The following MBD5 variants were observed in gnomAD, a reference collection of about 807,000 sequenced individuals.
The protein encoded by MBD5 is methyl-CpG-binding domain protein 5.
In MBD5, 13 loss-of-function variants were observed where a neutral mutation model predicts 117.3. That is an observed-to-expected ratio of 0.11 (90% CI 0.07 to 0.18). The LOEUF is 0.18. Among genes scored for constraint, MBD5 ranks in the 10% least tolerant of loss-of-function variants. MBD5 has a pLI of 1.00. For synonymous variants in MBD5, 727 were observed against 766.4 expected (o/e 0.95, Z 0.85); for missense variants, 1,879 against 2,093.8 (o/e 0.90, Z 2.00).
At chr2:148,347,123 A>G (rs936138981) in intron 4 of MBD5, 54 of 152,042 alleles carry the variant, frequency 3.6e-4, no homozygotes, top group Admixed American at 3.5e-3. Flanking sequence ...TACATCTGCC[A>G]TAGTTTGGCT....
chr2:148,460,048 C>A (rs900953720), intron 5 of MBD5, among the ~76,000 whole-genome samples: 3 of 152,124 alleles, frequency 2.0e-5, no homozygotes, highest in Non-Finnish European at 2.9e-5. Flanking sequence ...GTGCTGTTAA[C>A]AAAGTACCAG....
rs978179634 is a variant in MBD5 at position 148,489,950 on chromosome 2, C to T, written c.4318C>T (p.Arg1440Ter). ...CGGGGAGCAAAGCCCCAGAGGGGAG[C>T]GAAACAGGTGGAAGTACGAGGAATT... is the stretch of plus-strand genomic sequence containing the variant. The part of the protein sequence containing the change: ...WDGEQSPRGE[R>*]NRWKYEEFLD... The change falls in exon 11 of 14, where the codon CGA (arginine) becomes TGA (stop). Residue 1440 changes from arginine to a stop codon, truncating the protein, a stop_gained. Transcript: ENST00000642680. LOFTEE classifies it high-confidence loss of function. 2.5e-6 allele frequency: 4 copies of T among 1,613,794 alleles called. No individual in the cohort carries two copies. The highest frequency in any genetic ancestry group is 3.4e-6 in the Non-Finnish European group (4 of 1,179,970).
At chr2:148,411,512 C>CTTTTTTTTTTTTTTTTTTTTTTTTTTATT (rs1188326755) in intron 4 of MBD5, among the ~76,000 whole-genome samples, 1 of 97,450 alleles carries the variant, frequency 1.0e-5, no homozygotes, top group African/African-American at 4.0e-5. Flanking sequence ...AGCATCTGTT[C>CTTTTTTTTTTTTTTTTTTTTTTTTTTATT]TTTTTTTTTT....
chr2:148,466,813 A>G (rs1359172962), intron 7 of MBD5, among the ~76,000 whole-genome samples: 1 of 152,170 alleles, frequency 6.6e-6, no homozygotes, highest in African/African-American at 2.4e-5. Flanking sequence ...TCCAAGAAAA[A>G]CAAATGTTCA....
At chr2:148,489,035 C>A (rs1681429973) in intron 10 of MBD5, among the ~76,000 whole-genome samples, 1 of 152,116 alleles carries the variant, frequency 6.6e-6, no homozygotes, top group Non-Finnish European at 1.5e-5. Flanking sequence ...CTTTTTGAAT[C>A]CTAAATTGCA....
intron 2 of MBD5, among the ~76,000 whole-genome samples, chr2:148,194,778 TAAAA>T (rs10545114): frequency 2.6e-4 from 34 of 129,866 alleles, no homozygotes; most frequent in African/African-American, 9.1e-4. Flanking sequence ...AAAAAAAAAT[TAAAA>T]AAAAAAAAAA....
chr2:148,279,752 A>T (rs1443981469), intron 3 of MBD5, among the ~76,000 whole-genome samples: 1 of 152,110 alleles, frequency 6.6e-6, no homozygotes, highest in Admixed American at 6.5e-5. Context: ...AAGTTAATTT[A>T]ATTTATTATA....
chr2:148,467,089 A>G (rs950747008), intron 7 of MBD5, among the ~76,000 whole-genome samples: 40 of 152,132 alleles, frequency 2.6e-4, no homozygotes, highest in Non-Finnish European at 5.0e-4. Context: ...CTCATCTCCT[A>G]TGCCTGTAAC....
chr2:148,446,057 A>C (rs1010398354), intron 4 of MBD5, among the ~76,000 whole-genome samples: 15 of 150,796 alleles, frequency 9.9e-5, no homozygotes, highest in Admixed American at 9.2e-4. Flanking sequence ...AGTAGGTTGC[A>C]AAAATTTTCT....
intron 2 of MBD5, among the ~76,000 whole-genome samples, chr2:148,200,345 A>C (rs1320678829): frequency 3.3e-5 from 5 of 152,206 alleles, no homozygotes; most frequent in Non-Finnish European, 7.3e-5. Context: ...TTTTTATAAA[A>C]ATGTAGCACT....
chr2:148,315,061 AG>A (rs1265913508), intron 3 of MBD5, among the ~76,000 whole-genome samples: 1 of 152,136 alleles, frequency 6.6e-6, no homozygotes, highest in Non-Finnish European at 1.5e-5. Context: ...ACAGAGCCCA[AG>A]ATTGGAGCCT....
chr2:148,045,507 T>C lies in MBD5; in HGVS notation c.-925+23823T>C, dbSNP rs531311193. On this transcript the variant is annotated intron_variant, in intron 1 of 13. Coordinates refer to ENST00000642680, the MANE Select transcript of MBD5 (RefSeq NM_001378120.1). ...GCTTATCATATGCCAGACATAGATA[T>C]AGATGCTTGTATGTATGGCATTTAA... Among the ~76,000 whole-genome samples the C allele has an allele frequency of 2.8e-4, 43 of 152,320 alleles. 2 individuals are homozygous for C. The South Asian group carries it at 7.9e-3, about 28-fold the overall frequency.
intron 3 of MBD5, among the ~76,000 whole-genome samples, chr2:148,274,785 C>T (rs916392464): frequency 1.3e-4 from 20 of 150,282 alleles, no homozygotes; most frequent in African/African-American, 4.4e-4. Context: ...TGCAATGGCA[C>T]GATCTCAGCT....
intron 8 of MBD5, 123 bp from the exon 9 acceptor site, chr2:148,482,987 C>A: frequency 9.6e-7 from 1 of 1,044,940 alleles, no homozygotes; most frequent in East Asian, 2.5e-5. Flanking sequence ...AATCTAGTTA[C>A]AATCAATGAA....
chr2:148,389,296 A>G (rs1218990025), intron 4 of MBD5, among the ~76,000 whole-genome samples: 4 of 100,744 alleles, frequency 4.0e-5, no homozygotes, highest in Non-Finnish European at 8.0e-5. Flanking sequence ...ATATATATAT[A>G]TATATATAAC....
intron 8 of MBD5, among the ~76,000 whole-genome samples, chr2:148,472,939 G>C (rs574349485): frequency 4.6e-5 from 7 of 152,088 alleles, no homozygotes; most frequent in South Asian, 2.1e-4. Flanking sequence ...TTAAGTAACT[G>C]TTCCGTATCA....
At chr2:148,245,979 T>G (rs1031199217) in intron 3 of MBD5, among the ~76,000 whole-genome samples, 37 of 152,188 alleles carry the variant, frequency 2.4e-4, no homozygotes, top group African/African-American at 7.5e-4. Flanking sequence ...GGTATGTGAT[T>G]CAGATTTCAA....
chr2:148,188,491 G>A (rs1698726072), intron 2 of MBD5, among the ~76,000 whole-genome samples: 1 of 152,106 alleles, frequency 6.6e-6, no homozygotes, highest in Non-Finnish European at 1.5e-5. Context: ...TTTGAGACCA[G>A]CCTGGGCAAC....
At chr2:148,493,596 C>G (rs1338067232) in intron 11 of MBD5, among the ~76,000 whole-genome samples, 1 of 152,176 alleles carries the variant, frequency 6.6e-6, no homozygotes, top group African/African-American at 2.4e-5. Context: ...GTGATCAGAG[C>G]ACTGATAATT....
Sources: allele counts gnomAD v4.1 joint callset (sites outside exome capture counted in the v4.1 genomes callset), GRCh38; gene constraint gnomAD v4.1.1; transcripts MANE v1.5; gene names NCBI Gene and HGNC (gene_info 2026-07-23, HGNC 2026-07-21).